Variants in KAZN observed in about 807,000 individuals in gnomAD.
KAZN encodes kazrin, periplakin interacting protein.
Under a neutral mutation model 87.4 loss-of-function variants are expected in KAZN, and 40 were observed. The ratio of observed to expected loss-of-function variants is 0.46; its 90% CI spans 0.36 to 0.60. KAZN has a LOEUF of 0.60. Among genes scored for constraint, KAZN ranks in the 20% least tolerant of loss-of-function variants. The pLI, the probability that KAZN is intolerant of heterozygous loss-of-function variation, is 0.00. For synonymous variants in KAZN, 466 were observed against 458.3 expected (o/e 1.02, Z -0.22); for missense variants, 898 against 1,073.9 (o/e 0.84, Z 2.29).
At chr1:14,529,832 G>T (rs1009971951) in intron 2 of KAZN, among the ~76,000 whole-genome samples, 1 of 152,150 alleles carries the variant, frequency 6.6e-6, no homozygotes, top group Non-Finnish European at 1.5e-5. Flanking sequence ...GGCATGACTT[G>T]GGCAGAAGGT....
chr1:15,110,016 G>A (rs891992235), intron 13 of KAZN, among the ~76,000 whole-genome samples: 1 of 149,284 alleles, frequency 6.7e-6, no homozygotes, highest in African/African-American at 2.5e-5. Context: ...GTGTATGTAT[G>A]TGTAGATGGT....
intron 2 of KAZN, among the ~76,000 whole-genome samples, chr1:14,516,432 C>T (rs973234834): frequency 3.3e-5 from 5 of 152,202 alleles, no homozygotes; most frequent in Non-Finnish European, 7.3e-5. Context: ...CCTGGTCAAC[C>T]AGCATTTCCA....
intron 1 of KAZN, among the ~76,000 whole-genome samples, chr1:14,827,658 C>T (rs1168007241): frequency 6.6e-6 from 1 of 152,210 alleles, no homozygotes; most frequent in Non-Finnish European, 1.5e-5. Flanking sequence ...TCGAAGCAGG[C>T]CCCAGAGGCT....
At chr1:14,655,956 C>G (rs1029190568) in intron 1 of KAZN, among the ~76,000 whole-genome samples, 2 of 152,162 alleles carry the variant, frequency 1.3e-5, no homozygotes, top group African/African-American at 4.8e-5. Context: ...CAACAACTTG[C>G]TGAAGGCGTG....
intron 2 of KAZN, among the ~76,000 whole-genome samples, chr1:14,431,172 T>G (rs1221513171): frequency 6.6e-6 from 1 of 152,166 alleles, no homozygotes; most frequent in African/African-American, 2.4e-5. Flanking sequence ...TTGGCAATAA[T>G]ATTATGAGTG....
At chr1:14,969,117 G>A (rs1241523314) in intron 2 of KAZN, among the ~76,000 whole-genome samples, 1 of 152,220 alleles carries the variant, frequency 6.6e-6, no homozygotes, top group African/African-American at 2.4e-5. Flanking sequence ...ATGTCACCAG[G>A]CCTGCAGACA....
At chr1:14,170,478 G>C (rs1281131036) in intron 1 of KAZN, among the ~76,000 whole-genome samples, 1 of 152,098 alleles carries the variant, frequency 6.6e-6, no homozygotes, top group African/African-American at 2.4e-5. Context: ...GACCACTCCA[G>C]TGTCTGATTC....
intron 1 of KAZN, among the ~76,000 whole-genome samples, chr1:14,933,947 A>C (rs1316870761): frequency 6.6e-6 from 1 of 151,120 alleles, no homozygotes; most frequent in Non-Finnish European, 1.5e-5. Flanking sequence ...TCCCGGGTTC[A>C]CGCCATTCTC....
intron 2 of KAZN, among the ~76,000 whole-genome samples, chr1:14,445,257 C>T (rs1291195263): frequency 1.3e-5 from 2 of 152,078 alleles, no homozygotes; most frequent in Non-Finnish European, 2.9e-5. Context: ...AACTCCTGAC[C>T]TCAGGTGATC....
At chr1:15,005,753 A>G (rs144211558) in intron 2 of KAZN, among the ~76,000 whole-genome samples, 3,733 of 151,338 alleles carry the variant, frequency 0.025, 182 homozygotes, top group African/African-American at 0.086. Context: ...GTGCCACTGC[A>G]CTCCAGCCTG....
intron 2 of KAZN, among the ~76,000 whole-genome samples, chr1:14,515,405 A>T (rs1207435488): frequency 6.6e-6 from 1 of 152,184 alleles, no homozygotes; most frequent in Non-Finnish European, 1.5e-5. Context: ...AGCAGGAGGG[A>T]TGGGAGCAGG....
At chr1:14,864,335 C>T (rs1392424528) in intron 1 of KAZN, among the ~76,000 whole-genome samples, 3 of 152,178 alleles carry the variant, frequency 2.0e-5, no homozygotes, top group East Asian at 1.9e-4. Context: ...GAGGCCAAGG[C>T]GGGCGGATCA....
At chr1:14,482,131 A>G (rs1000187068) in intron 2 of KAZN, among the ~76,000 whole-genome samples, 1 of 152,230 alleles carries the variant, frequency 6.6e-6, no homozygotes, top group Non-Finnish European at 1.5e-5. Flanking sequence ...CAAAGGCCAG[A>G]TAGGAAGAAG....
intron 1 of KAZN, among the ~76,000 whole-genome samples, chr1:14,652,109 A>C (rs1276152998): frequency 1.3e-5 from 2 of 152,240 alleles, no homozygotes; most frequent in Non-Finnish European, 2.9e-5. Flanking sequence ...ATGAAAAATC[A>C]AAAACAAAAC....
At chr1:14,329,181 T>C (rs184554711) in intron 2 of KAZN, among the ~76,000 whole-genome samples, 68 of 152,288 alleles carry the variant, frequency 4.5e-4, no homozygotes, top group African/African-American at 1.6e-3. Flanking sequence ...AGGGATGTTC[T>C]TCCCACAAGA....
intron 2 of KAZN, among the ~76,000 whole-genome samples, chr1:14,396,232 T>C (rs1662892823): frequency 6.6e-6 from 1 of 150,598 alleles, no homozygotes. Context: ...CTTACACTGG[T>C]CTGCACTGAA....
chr1:14,194,631 T>C (rs1416921621), intron 2 of KAZN, among the ~76,000 whole-genome samples: 1 of 152,118 alleles, frequency 6.6e-6, no homozygotes, highest in East Asian at 1.9e-4. Flanking sequence ...AAGTACAGTG[T>C]TTTTCATGAA....
intron 2 of KAZN, among the ~76,000 whole-genome samples, chr1:14,430,703 A>G (rs1666012656): frequency 6.6e-6 from 1 of 152,212 alleles, no homozygotes; most frequent in Non-Finnish European, 1.5e-5. Context: ...GTGGGACAGA[A>G]CCTAAGTCCT....
intron 2 of KAZN, among the ~76,000 whole-genome samples, chr1:14,454,424 A>G (rs904341544): frequency 2.6e-5 from 4 of 152,226 alleles, no homozygotes; most frequent in Non-Finnish European, 4.4e-5. Flanking sequence ...TCTCTCCTCA[A>G]TTAGAGTCCA....
Sources: gnomAD v4.1 joint callset for allele counts (sites outside exome capture counted in the v4.1 genomes callset) on GRCh38, gnomAD v4.1.1 for gene constraint, MANE v1.5 for transcripts, NCBI Gene and HGNC (gene_info 2026-07-23, HGNC 2026-07-21) for gene names.